Variants in OXR1 observed in about 807,000 individuals in gnomAD.
The protein encoded by OXR1 is oxidation resistance 1.
A neutral mutation model predicts 104.6 loss-of-function variants in OXR1; 41 were observed. The observed-to-expected ratio is 0.39, with a 90% confidence interval of 0.31 to 0.51. OXR1 has a LOEUF of 0.51. OXR1 is among the 20% of genes least tolerant of loss of function. The pLI is 0.77. For missense variants in OXR1, 955 were observed against 1,031.9 expected, an observed-to-expected ratio of 0.93 and a Z score of 1.02; for synonymous variants, 348 against 348.4, an observed-to-expected ratio of 1.00 and a Z score of 0.01.
chr8:106,718,283 C>T (rs1319726743), intron 11 of OXR1, among the ~76,000 whole-genome samples: 3 of 152,056 alleles, frequency 2.0e-5, no homozygotes, highest in African/African-American at 2.4e-5. Context: ...GGAAAAATTC[C>T]GTAATATTTT....
intron 2 of OXR1, among the ~76,000 whole-genome samples, chr8:106,449,538 C>T (rs1255274363): frequency 6.6e-6 from 1 of 152,152 alleles, no homozygotes; most frequent in Non-Finnish European, 1.5e-5. Context: ...TGTTATAATT[C>T]CCATTGTAAC....
chr8:106,370,763 G>C (rs1395728804), intron 2 of OXR1, among the ~76,000 whole-genome samples: 1 of 152,156 alleles, frequency 6.6e-6, no homozygotes, highest in East Asian at 1.9e-4. Flanking sequence ...GATCATTGTG[G>C]ATAAGTTTTT....
chr8:106,672,149 G>A (rs995449105), intron 3 of OXR1, among the ~76,000 whole-genome samples: 10 of 151,696 alleles, frequency 6.6e-5, no homozygotes, highest in African/African-American at 1.7e-4. Context: ...CAACAAAGGA[G>A]AGAAGTCTAA....
chr8:106,298,046 G>T (rs1285368089), intron 1 of OXR1, among the ~76,000 whole-genome samples: 2 of 152,116 alleles, frequency 1.3e-5, no homozygotes, highest in Admixed American at 1.3e-4. Flanking sequence ...AATTCGGCTG[G>T]TAGTCAACAG....
intron 2 of OXR1, among the ~76,000 whole-genome samples, chr8:106,420,421 A>G (rs992377334): frequency 1.3e-5 from 2 of 151,836 alleles, no homozygotes; most frequent in African/African-American, 4.8e-5. Context: ...TTTCAGTTCC[A>G]ATTTTACAGT....
intron 3 of OXR1, chr8:106,657,987 A>G: frequency 1.6e-6 from 2 of 1,248,246 alleles, no homozygotes; most frequent in Non-Finnish European, 2.0e-6. Context: ...CCGCGGCAGC[A>G]TGGACTACCT....
intron 1 of OXR1, among the ~76,000 whole-genome samples, chr8:106,317,626 C>T (rs1459713096): frequency 6.6e-6 from 1 of 152,016 alleles, no homozygotes; most frequent in African/African-American, 2.4e-5. Flanking sequence ...GATCAAGGTG[C>T]TCAAAAACAG....
chr8:106,595,605 G>A (rs1024576113), intron 3 of OXR1, among the ~76,000 whole-genome samples: 2 of 151,232 alleles, frequency 1.3e-5, no homozygotes, highest in African/African-American at 4.9e-5. Flanking sequence ...TGCTAGAACT[G>A]TAACTCATGG....
intron 2 of OXR1, among the ~76,000 whole-genome samples, chr8:106,384,610 G>A (rs1349830796): frequency 1.3e-5 from 2 of 151,926 alleles, no homozygotes; most frequent in East Asian, 3.8e-4. Context: ...TCTTATCTTT[G>A]GTGTGCTCCT....
chr8:106,554,256 A>G (rs1290747098), intron 3 of OXR1, among the ~76,000 whole-genome samples: 1 of 152,248 alleles, frequency 6.6e-6, no homozygotes, highest in South Asian at 2.1e-4. Flanking sequence ...AAAAGTGCAT[A>G]ACCCAGTTTA....
At position 106,634,898 on chromosome 8, in the gene OXR1, C is replaced by T. The variant is rs565997753; in HGVS notation, c.221-44312C>T. Among the ~76,000 whole-genome samples, 3 of 151,236 alleles carry T rather than the reference C, an allele frequency of 2.0e-5. No homozygotes were observed. The South Asian group carries it at 6.3e-4, about 32-fold the overall frequency. On this transcript the variant is annotated intron_variant, in intron 3 of 16. Coordinates refer to ENST00000517566, the MANE Select transcript of OXR1 (RefSeq NM_001198533.2). The stretch of plus-strand genomic sequence containing the variant: ...GTGTGGTCCACTTTGAGTCCAGCAA[C>T]ATTGGCACTACCTGGGAGATGTTAA...
At chr8:106,296,486 T>C (rs1812999461) in intron 1 of OXR1, among the ~76,000 whole-genome samples, 1 of 152,186 alleles carries the variant, frequency 6.6e-6, no homozygotes, top group East Asian at 1.9e-4. Flanking sequence ...GGCATTATTA[T>C]TACATTTTAA....
At chr8:106,270,414 G>C (rs2130452163) in intron 1 of OXR1, 47 bp downstream of exon 1, 1 of 152,442 alleles carries the variant, frequency 6.6e-6, no homozygotes. Context: ...CTTGGCGCCC[G>C]GGGGAGTCCA....
At chr8:106,466,357 TG>T (rs1304873362) in intron 2 of OXR1, among the ~76,000 whole-genome samples, 1 of 151,900 alleles carries the variant, frequency 6.6e-6, no homozygotes, top group African/African-American at 2.4e-5. Flanking sequence ...ACTTTTTTTG[TG>T]GGGAGAGTGT....
chr8:106,750,439 C>T (rs1167903945), intron 16 of OXR1, among the ~76,000 whole-genome samples: 4 of 151,194 alleles, frequency 2.6e-5, no homozygotes, highest in Non-Finnish European at 4.4e-5. Context: ...GCTTCTCCTG[C>T]CTCTGCCTCC....
intron 2 of OXR1, among the ~76,000 whole-genome samples, chr8:106,426,950 G>C (rs918419122): frequency 6.6e-6 from 1 of 152,096 alleles, no homozygotes; most frequent in Non-Finnish European, 1.5e-5. Context: ...CTCTTCTGCT[G>C]TTGCTAAGTT....
chr8:106,676,517 T>C (rs1484136531), intron 3 of OXR1, among the ~76,000 whole-genome samples: 1 of 152,180 alleles, frequency 6.6e-6, no homozygotes. Context: ...GCATTTGCTC[T>C]TATGGAAAGG....
chr8:106,444,695 G>A (rs1387534719), intron 2 of OXR1, among the ~76,000 whole-genome samples: 1 of 152,088 alleles, frequency 6.6e-6, no homozygotes, highest in Admixed American at 6.6e-5. Context: ...TGGGGGTGGG[G>A]GGTGAGGGGC....
chr8:106,306,477 G>A (rs1438786444), intron 1 of OXR1, among the ~76,000 whole-genome samples: 1 of 151,470 alleles, frequency 6.6e-6, no homozygotes, highest in African/African-American at 2.4e-5. Flanking sequence ...AAAAATAGCT[G>A]TTCATGATGT....
Sources: allele counts gnomAD v4.1 joint callset (sites outside exome capture counted in the v4.1 genomes callset), GRCh38; gene constraint gnomAD v4.1.1; transcripts MANE v1.5; gene names NCBI Gene and HGNC (gene_info 2026-07-23, HGNC 2026-07-21).